The following JAKMIP3 variants were observed in gnomAD, a reference collection of about 807,000 sequenced individuals.
The protein encoded by JAKMIP3 is Janus kinase and microtubule interacting protein 3, also known as janus kinase and microtubule-interacting protein 3.
A neutral mutation model predicts 118.5 loss-of-function variants in JAKMIP3; 58 were observed. That is an observed-to-expected ratio of 0.49 (90% CI 0.40 to 0.61). JAKMIP3 has a LOEUF of 0.61. JAKMIP3 is among the 20% of genes least tolerant of loss of function. The probability of loss-of-function intolerance (pLI) is 0.00; values close to 1 mark genes in which losing one functional copy is unlikely to be tolerated. For synonymous variants in JAKMIP3, 486 were observed against 451.2 expected, an observed-to-expected ratio of 1.08 and a Z score of -0.98; for missense variants, 950 against 1,109.0, an observed-to-expected ratio of 0.86 and a Z score of 2.04.
chr10:132,081,896 C>T (rs1469851539), intron 1 of JAKMIP3, among the ~76,000 whole-genome samples: 1 of 152,008 alleles, frequency 6.6e-6, no homozygotes, highest in Non-Finnish European at 1.5e-5. Flanking sequence ...CATGTCTCTT[C>T]TTAACCGGCC....
chr10:132,158,948 G>T lies in JAKMIP3; in HGVS notation c.2221-4261G>T, dbSNP rs1336065019. 2.3e-4 allele frequency among the ~76,000 whole-genome samples: 26 copies of T among 111,490 alleles called. 2 individuals carry two copies. Among genetic ancestry groups the T allele is most frequent in the Non-Finnish European group, 3.5e-5 (2 of 57,658 alleles). The allele number at this position is 111,490 out of a possible 152,430, so 73.1% of individuals were successfully genotyped here. ...TCTTCCTTTGTGATGCTGGGGGGGGGGACCTCTCGCTGTGTGATGCTGGGG... is the reference window on the plus strand; with the variant it reads ...TCTTCCTTTGTGATGCTGGGGGGGGTGACCTCTCGCTGTGTGATGCTGGGG... On this transcript the variant is annotated intron_variant, in intron 19 of 23. Coordinates refer to ENST00000684848, the MANE Select transcript of JAKMIP3 (RefSeq NM_001323087.2).
intron 6 of JAKMIP3, among the ~76,000 whole-genome samples, chr10:132,136,515 G>A (rs537578929): frequency 8.5e-5 from 13 of 152,330 alleles, no homozygotes; most frequent in South Asian, 2.1e-4. Flanking sequence ...GTGGGGGGCC[G>A]TCAGCCGGTG....
At chr10:132,154,508 C>T (rs1000418011) in intron 19 of JAKMIP3, among the ~76,000 whole-genome samples, 2 of 152,224 alleles carry the variant, frequency 1.3e-5, no homozygotes, top group African/African-American at 4.8e-5. Context: ...CTACTTCCCC[C>T]GTGACTGCAC....
chr10:132,154,415 T>C (rs571547849), intron 19 of JAKMIP3, among the ~76,000 whole-genome samples: 284 of 152,330 alleles, frequency 1.9e-3, no homozygotes, highest in Admixed American at 3.7e-3. Context: ...GGTCTTGTTC[T>C]ATTTCATCTG....
rs7923067 is a variant in JAKMIP3 at position 132,112,604 on chromosome 10, C to T, written c.136-4473C>T. ...CACAGAGATTTATGTGAATGTCTTG[C>T]ATTTTAAAGAAGTCTCCTGCCTTCC... is the stretch of plus-strand genomic sequence containing the variant. On this transcript the variant is annotated intron_variant, in intron 2 of 23. Transcript: ENST00000684848. This position sits in a 1 kb window ranked among gnomAD's most constrained non-coding sequence, Gnocchi z 4.3. Among the ~76,000 whole-genome samples the T allele has an allele frequency of 0.2, 30,162 of 152,180 alleles. 3,165 individuals carry two copies. Among genetic ancestry groups the T allele is most frequent in the East Asian group, 0.29 (1,488 of 5,172 alleles).
At chr10:132,173,988 GGT>G (rs143139347) in intron 23 of JAKMIP3, among the ~76,000 whole-genome samples, 2,410 of 147,690 alleles carry the variant, frequency 0.016, 107 homozygotes, top group African/African-American at 0.06. Context: ...GGTGGTCTGT[GGT>G]GTGTCTGTGG....
intron 1 of JAKMIP3, among the ~76,000 whole-genome samples, chr10:132,070,154 T>G (rs982259559): frequency 6.6e-6 from 1 of 152,112 alleles, no homozygotes; most frequent in African/African-American, 2.4e-5. Flanking sequence ...TTAGTTGCAT[T>G]TTTATTTTTT....
At chr10:132,039,529 C>CCTCT (rs1479260898) in intron 1 of JAKMIP3, among the ~76,000 whole-genome samples, 1 of 152,158 alleles carries the variant, frequency 6.6e-6, no homozygotes, top group Non-Finnish European at 1.5e-5. Context: ...GAGGCCTGGC[C>CCTCT]CTCTACACGT....
rs943987264 is a variant in JAKMIP3, at chr10:132,182,960, T to G, written c.*1707T>G. 3 of 152,158 alleles carry G rather than the reference T, an allele frequency of 2.0e-5. No individual in the cohort carries two copies. Among genetic ancestry groups the G allele is most frequent in the Admixed American group, 1.3e-4 (2 of 15,274 alleles). 9.4% of individuals were successfully genotyped at this position (152,158 alleles called of 1,614,324 possible). ...CCAAGAAAGACCCATCCATTTCTGT[T>G]GTCATTCAAGCCACAGTTCCTGATT... On this transcript the variant is annotated 3_prime_UTR_variant, in exon 24 of 24. Coordinates refer to ENST00000684848, the MANE Select transcript of JAKMIP3 (RefSeq NM_001323087.2).
In JAKMIP3 at chr10:132,136,131, A is replaced by G. The variant is rs115838316; in HGVS notation, c.1116+55A>G. 1.3e-3 allele frequency: 2,001 copies of G among 1,580,164 alleles called. 25 individuals carry two copies. The African/African-American group carries it at 0.025, about 19-fold the overall frequency. ...CGGTCGCACCCGAGCTCCAGGCAGC[A>G]TCTCCTCCCTTCTCCACGCAAGATT... On this transcript the variant is annotated intron_variant, in intron 6 of 23. Transcript: ENST00000684848.
chr10:132,148,294 G>A (rs892735008), intron 14 of JAKMIP3, among the ~76,000 whole-genome samples: 10 of 152,110 alleles, frequency 6.6e-5, no homozygotes, highest in African/African-American at 1.9e-4. Flanking sequence ...CTCTTCATAC[G>A]AAGGATGAGG....
upstream of JAKMIP3, among the ~76,000 whole-genome samples, chr10:132,062,848 G>A (rs563147669): frequency 1.7e-4 from 26 of 152,310 alleles, no homozygotes; most frequent in East Asian, 1.7e-3. Context: ...TGTGTGCAGG[G>A]CCTGGAAGGC....
intron 1 of JAKMIP3, among the ~76,000 whole-genome samples, chr10:132,038,411 A>G (rs2037588894): frequency 6.6e-6 from 1 of 152,170 alleles, no homozygotes; most frequent in East Asian, 1.9e-4. Context: ...CATGCATGAC[A>G]CTTTTGCAAG....
chr10:132,045,173 C>T (rs1276406698), intron 1 of JAKMIP3, among the ~76,000 whole-genome samples: 1 of 152,158 alleles, frequency 6.6e-6, no homozygotes, highest in Non-Finnish European at 1.5e-5. Flanking sequence ...CACATCCTCA[C>T]AACGCTCCCT....
chr10:132,047,949 C>T (rs1183100376), intron 1 of JAKMIP3, among the ~76,000 whole-genome samples: 1 of 152,226 alleles, frequency 6.6e-6, no homozygotes, highest in Admixed American at 6.5e-5. Context: ...CGGGCTCCTC[C>T]GGCTGTGGCG....
intron 1 of JAKMIP3, among the ~76,000 whole-genome samples, chr10:132,088,735 G>GC (rs2042732204): frequency 6.6e-6 from 1 of 152,014 alleles, no homozygotes; most frequent in Non-Finnish European, 1.5e-5. Context: ...GTCAATTTTG[G>GC]CTTTTGTTCC....
Position 132,182,441 on chromosome 10 carries a change from G to T in JAKMIP3, c.*1188G>T, listed in dbSNP as rs112725163. 1 of 152,198 alleles carries T rather than the reference G, an allele frequency of 6.6e-6. No individual in the cohort carries two copies. Among genetic ancestry groups the T allele is most frequent in the Non-Finnish European group, 1.5e-5 (1 of 68,032 alleles). 9.4% of individuals were successfully genotyped at this position (152,198 alleles called of 1,614,324 possible). On this transcript the variant is annotated 3_prime_UTR_variant, in exon 24 of 24. Transcript: ENST00000684848. ...ACCCGGGACGCAGCCCGGGAGCTTC[G>T]TCCAGCCTGTGGATGGAGCCTGACT...
rs955421182 is a variant in JAKMIP3, at chr10:132,100,838, C to T, written c.-137-3834C>T. 6.8e-5 allele frequency among the ~76,000 whole-genome samples: 9 copies of T among 132,880 alleles called. No homozygotes were observed. In the South Asian group the frequency reaches 7.8e-4, roughly 12 times the overall value. 87.2% of individuals were successfully genotyped at this position (132,880 alleles called of 152,430 possible). ...TTCTCTCTGCATGAGGAACCCCTGC[C>T]GCGCTCCCCGTTCTCTCTGCATGAG... On this transcript the variant is annotated intron_variant, in intron 1 of 23. Transcript: ENST00000684848.
chr10:132,171,647 T>C (rs2059494757), intron 23 of JAKMIP3, among the ~76,000 whole-genome samples: 1 of 131,900 alleles, frequency 7.6e-6, no homozygotes, highest in African/African-American at 3.0e-5. Context: ...CTTATTTTTT[T>C]CTTTCTTTTT....
Sources: gnomAD v4.1 joint callset for allele counts (sites outside exome capture counted in the v4.1 genomes callset) on GRCh38, gnomAD v4.1.1 for gene constraint, Gnocchi (gnomAD v3.1) non-coding constraint, MANE v1.5 for transcripts, NCBI Gene and HGNC (gene_info 2026-07-23, HGNC 2026-07-21) for gene names.